The following ANKRD26 variants were observed in gnomAD, a reference collection of about 807,000 sequenced individuals.
ANKRD26 encodes ankyrin repeat domain 26.
Under a neutral mutation model 208.7 loss-of-function variants are expected in ANKRD26, and 141 were observed. The observed-to-expected ratio is 0.68, with a 90% CI of 0.59 to 0.78. The LOEUF is 0.78. ANKRD26 is among the 30% of genes least tolerant of loss of function. The probability of loss-of-function intolerance (pLI) is 0.00; values close to 1 mark genes in which losing one functional copy is unlikely to be tolerated. For synonymous variants in ANKRD26, 636 were observed against 660.4 expected (o/e 0.96, Z 0.57); for missense variants, 1,889 against 1,938.7 (o/e 0.97, Z 0.48).
intron 12 of ANKRD26, chr10:27,062,295 A>T: frequency 1.3e-6 from 1 of 790,670 alleles, no homozygotes; most frequent in Non-Finnish European, 1.5e-6. Flanking sequence ...ATAAAAGAAA[A>T]ATAATGCTTT....
rs2054176114 is a variant in ANKRD26, at chr10:27,039,981, C to T, written c.2359G>A (p.Glu787Lys). The T allele has an allele frequency of 6.2e-7, 1 of 1,613,430 alleles. No individual in the cohort carries two copies. The highest frequency in any genetic ancestry group is 1.7e-5 in the Admixed American group (1 of 60,002). ...CTATCATACCTCAAAGAGCACAGTT[C>T]TCGTTCCCATTCAACTTTTTGATGC... Reference protein sequence around the residue: ...LEHQKVEWERELCSLRFSLNQ... With the variant: ...LEHQKVEWERKLCSLRFSLNQ... The change falls in exon 21 of 34, where the codon GAA (glutamate) becomes AAA (lysine). Residue 787 changes from glutamate to lysine, a missense_variant. Coordinates refer to ENST00000376087, the MANE Select transcript of ANKRD26 (RefSeq NM_014915.3).
intron 32 of ANKRD26, among the ~76,000 whole-genome samples, chr10:27,009,688 C>A (rs752186667): frequency 6.6e-6 from 1 of 151,504 alleles, no homozygotes. Flanking sequence ...TAATCTCTTA[C>A]GCTAATAATT....
the ANKRD26 span, among the ~76,000 whole-genome samples, chr10:26,951,016 T>TTC: frequency 7.8e-4 from 47 of 60,238 alleles, 2 homozygotes; most frequent in Middle Eastern, 0.019. Context: ...TTCTTTTCTT[T>TTC]TTCTTTTTTT....
chr10:27,082,666 C>T (rs2055966210), intron 6 of ANKRD26, 137 bp downstream of exon 6: 3 of 1,288,762 alleles, frequency 2.3e-6, no homozygotes, highest in Non-Finnish European at 2.1e-6. Flanking sequence ...TGTAATATAG[C>T]ACAGATACTT....
chr10:26,954,175 T>C, the ANKRD26 span, among the ~76,000 whole-genome samples: 1 of 152,224 alleles, frequency 6.6e-6, no homozygotes, highest in East Asian at 1.9e-4. Flanking sequence ...GGGTGAAATG[T>C]GGCCCATATT....
chr10:26,949,945 T>A, the ANKRD26 span, among the ~76,000 whole-genome samples: 1 of 152,232 alleles, frequency 6.6e-6, no homozygotes, highest in Non-Finnish European at 1.5e-5. Flanking sequence ...ATCTATTGGT[T>A]CCTTTAGTTA....
At position 27,005,042 on chromosome 10, in the gene ANKRD26, G is replaced by C. The variant is rs2052823201; in HGVS notation, c.*548C>G. ...AAAACTTCGAAATTTTCTCTAAACT[G>C]AAGGCTATTTCCAAAAGGTTAATTA... On this transcript the variant is annotated 3_prime_UTR_variant, in exon 34 of 34. Coordinates refer to ENST00000376087, the MANE Select transcript of ANKRD26 (RefSeq NM_014915.3). The C allele has an allele frequency of 1.0e-6, 1 of 984,910 alleles. No homozygotes were observed. The highest frequency in any genetic ancestry group is 1.7e-5 in the African/African-American group (1 of 57,204). 61.0% of individuals were successfully genotyped at this position (984,910 alleles called of 1,614,324 possible).
At chr10:26,953,420 G>A in the ANKRD26 span, among the ~76,000 whole-genome samples, 1 of 151,876 alleles carries the variant, frequency 6.6e-6, no homozygotes, top group Non-Finnish European at 1.5e-5. Flanking sequence ...TGAAAGAGTG[G>A]GACACTGTCT....
the ANKRD26 span, among the ~76,000 whole-genome samples, chr10:26,948,547 A>C: frequency 6.6e-6 from 1 of 152,238 alleles, no homozygotes; most frequent in Non-Finnish European, 1.5e-5. Flanking sequence ...TAATGATTAT[A>C]TACGTGAATA....
rs2053940129 is a variant in ANKRD26 at position 27,033,338 on chromosome 10, G to A, written c.3694C>T (p.Leu1232=). 1 of 1,611,312 alleles carries A rather than the reference G, an allele frequency of 6.2e-7. No homozygotes were observed. The highest frequency in any genetic ancestry group is 1.3e-5 in the African/African-American group (1 of 74,822). ...RQLQQELADT[L]KKQSMSEASL... ...GCCTCTGACATAGATTGTTTTTTTA[G>A]GGTATCAGCTAGTTCTTGTTGAAGT... is the stretch of plus-strand genomic sequence containing the variant. The change falls in exon 25 of 34, where the codon CTA becomes TTA. Residue 1232 remains leucine (L), a synonymous_variant. Transcript: ENST00000376087.
chr10:27,013,402 C>T (rs994721831), intron 31 of ANKRD26, among the ~76,000 whole-genome samples: 19 of 152,260 alleles, frequency 1.2e-4, no homozygotes, highest in African/African-American at 4.6e-4. Flanking sequence ...ACAGGTAACA[C>T]CTGCTGCCTT....
At chr10:26,961,193 G>T in the ANKRD26 span, among the ~76,000 whole-genome samples, 1 of 148,188 alleles carries the variant, frequency 6.7e-6, no homozygotes, top group Admixed American at 6.9e-5. Context: ...CTCCAGCCTG[G>T]CAACAAAGCG....
At chr10:27,072,315 C>T (rs1263466653) in intron 9 of ANKRD26, among the ~76,000 whole-genome samples, 2 of 152,180 alleles carry the variant, frequency 1.3e-5, no homozygotes, top group African/African-American at 4.8e-5. Context: ...ATATCCCCAG[C>T]TCCTTCTGTG....
downstream of ANKRD26, among the ~76,000 whole-genome samples, chr10:26,973,483 G>T (rs1417677257): frequency 6.8e-6 from 1 of 148,012 alleles, no homozygotes; most frequent in Admixed American, 6.7e-5. Flanking sequence ...TAATCTTTCT[G>T]TTTTTCTGGT....
In ANKRD26 at chr10:27,034,999, C is replaced by T. The variant is rs1358008290; in HGVS notation, c.3451G>A (p.Asp1151Asn). 5.0e-6 allele frequency: 8 copies of T among 1,613,922 alleles called. No individual in the cohort carries two copies. The highest frequency in any genetic ancestry group is 1.3e-5 in the African/African-American group (1 of 74,918). Residue 1151 changes from aspartate to asparagine, a missense_variant, in exon 24 of 34, where the codon GAT (aspartate) becomes AAT (asparagine). By Grantham distance (23) the Asp-to-Asn change is conservative. Transcript: ENST00000376087. ...SENMLLRQQL[D>N]DAHNKADNKE... ...TTGTCAGCCTTGTTGTGGGCATCAT[C>T]CAGTTGTTGTCGAAGCAACATATTC...
rs971592845 is a variant in ANKRD26 at position 27,063,852 on chromosome 10, T to C, written c.1363+136A>G. 7 of 748,566 alleles carry C rather than the reference T, an allele frequency of 9.4e-6. No homozygotes were observed. In the African/African-American group the frequency reaches 1.2e-4, roughly 13 times the overall value. The allele number at this position is 748,566 out of a possible 1,614,324, so 46.4% of individuals were successfully genotyped here. Reference sequence around the variant, plus strand: ...GCTGACACCTAAGATATACAACTTATCACAATTTTACCTCTCTTTATTCTT... The same window carrying C: ...GCTGACACCTAAGATATACAACTTACCACAATTTTACCTCTCTTTATTCTT... On this transcript the variant is annotated intron_variant, in intron 12 of 33. Transcript: ENST00000376087.
downstream of ANKRD26, among the ~76,000 whole-genome samples, chr10:26,999,342 C>T (rs1291239633): frequency 6.6e-6 from 1 of 152,190 alleles, no homozygotes; most frequent in Non-Finnish European, 1.5e-5. Context: ...TGTTGCGCAG[C>T]TGCTGGGATT....
At chr10:27,052,722 T>C (rs1213300864) in intron 16 of ANKRD26, among the ~76,000 whole-genome samples, 1 of 152,146 alleles carries the variant, frequency 6.6e-6, no homozygotes, top group Non-Finnish European at 1.5e-5. Flanking sequence ...CAGAAAGTTA[T>C]TGTGTATATC....
rs377464823 is a variant in ANKRD26 at position 27,014,609 on chromosome 10, G to A, written c.4609C>T (p.Leu1537Phe). Residue 1537 changes from leucine to phenylalanine, a missense_variant, in exon 31 of 34, where the codon CTC (leucine) becomes TTC (phenylalanine). Leu to Phe is a conservative substitution (Grantham distance 22). Around this residue, in one of 3 missense-constraint regions of ANKRD26, gnomAD observed 613 missense variants for 648.2 expected, o/e 0.95. Transcript: ENST00000376087. ...ELRIKDLESE[L>F]SKIKTSQEDF... ...TCTTGAGAAGTTTTTATTTTGGAGAGTTCAGATTCCAGATCTTTAATTCTG... is the reference window on the plus strand; with the variant it reads ...TCTTGAGAAGTTTTTATTTTGGAGAATTCAGATTCCAGATCTTTAATTCTG... The A allele has an allele frequency of 8.7e-6, 14 of 1,611,438 alleles. No individual in the cohort carries two copies. The highest frequency in any genetic ancestry group is 1.3e-5 in the African/African-American group (1 of 74,820).
Sources: gnomAD v4.1 joint callset for allele counts (sites outside exome capture counted in the v4.1 genomes callset) on GRCh38, gnomAD v4.1.1 for gene constraint, gnomAD v4.1.1 regional missense constraint, MANE v1.5 for transcripts, NCBI Gene and HGNC (gene_info 2026-07-23, HGNC 2026-07-21) for gene names.